Variants in TRIM44 observed in about 807,000 individuals in gnomAD.
TRIM44 encodes the protein tripartite motif-containing protein 44.
TRIM44 carries 13 observed loss-of-function variants against 37.4 expected under a neutral mutation model. That is an observed-to-expected ratio of 0.35 (90% CI 0.23 to 0.55). TRIM44 has a LOEUF of 0.55. TRIM44 is among the 20% of genes least tolerant of loss of function. The pLI is 0.89. For missense variants in TRIM44, 426 were observed against 437.2 expected, an observed-to-expected ratio of 0.97 and a Z score of 0.23; for synonymous variants, 175 against 157.2, an observed-to-expected ratio of 1.11 and a Z score of -0.85.
chr11:35,806,080 A>G (rs1853444007), intron 4 of TRIM44, among the ~76,000 whole-genome samples: 1 of 152,174 alleles, frequency 6.6e-6, no homozygotes, highest in Non-Finnish European at 1.5e-5. Flanking sequence ...CTGCTCACGT[A>G]CTGTATACCA....
At chr11:35,691,090 T>C (rs1851631901) in intron 2 of TRIM44, among the ~76,000 whole-genome samples, 1 of 152,184 alleles carries the variant, frequency 6.6e-6, no homozygotes, top group Non-Finnish European at 1.5e-5. Flanking sequence ...GACTGGAGAA[T>C]GGCCTTTTCC....
chr11:35,733,714 T>C lies in TRIM44; in HGVS notation c.988-1712T>C, dbSNP rs146221690. Among the ~76,000 whole-genome samples the C allele has an allele frequency of 3.8e-3, 585 of 152,272 alleles. 2 individuals carry two copies. Among genetic ancestry groups the C allele is most frequent in the African/African-American group, 0.014 (572 of 41,548 alleles). On this transcript the variant is annotated intron_variant, in intron 3 of 4. Coordinates refer to ENST00000299413, the MANE Select transcript of TRIM44 (RefSeq NM_017583.6). The stretch of plus-strand genomic sequence containing the variant: ...TGGCTGCAGCTGTACTTTACAGGCT[T>C]GCACCCTGGCAGTCTCCCTTTACCT...
chr11:35,690,233 C>G (rs1851624732), intron 2 of TRIM44, among the ~76,000 whole-genome samples: 4 of 152,018 alleles, frequency 2.6e-5, no homozygotes, highest in Admixed American at 2.0e-4. Context: ...TTAAATAAAC[C>G]CAAGAATGGT....
intron 1 of TRIM44, 62 bp from the exon 2 acceptor site, chr11:35,685,197 T>A: frequency 7.3e-7 from 1 of 1,364,694 alleles, no homozygotes; most frequent in Non-Finnish European, 1.0e-6. Context: ...TCCAAAATGC[T>A]GTTTGTGTTT....
In TRIM44 at chr11:35,745,944, A is replaced by C. The variant is rs547085317; in HGVS notation, c.1007+10499A>C. Among the ~76,000 whole-genome samples the C allele has an allele frequency of 1.4e-4, 22 of 152,334 alleles. No homozygotes were observed. The South Asian group carries it at 4.6e-3, about 32-fold the overall frequency. ...TTTTTCCTCATCAACATTATAAAAA[A>C]AAAAGTTGAATGAAAAGACTCTATT... On this transcript the variant is annotated intron_variant, in intron 4 of 4. Transcript: ENST00000299413.
intron 1 of TRIM44, among the ~76,000 whole-genome samples, chr11:35,680,665 A>T (rs534975744): frequency 2.6e-5 from 4 of 152,214 alleles, no homozygotes; most frequent in Non-Finnish European, 5.9e-5. Context: ...CACAGGTGCT[A>T]GTCTTCCTCA....
intron 4 of TRIM44, among the ~76,000 whole-genome samples, chr11:35,798,820 T>C (rs1853328184): frequency 1.3e-5 from 2 of 152,220 alleles, no homozygotes; most frequent in Admixed American, 6.5e-5. Flanking sequence ...CTGTCAAGTA[T>C]GAGCTGATTT....
chr11:35,756,334 G>T (rs1852638971), intron 4 of TRIM44, among the ~76,000 whole-genome samples: 1 of 152,144 alleles, frequency 6.6e-6, no homozygotes, highest in South Asian at 2.1e-4. Flanking sequence ...AAGAATGCTT[G>T]TGATTTTTGC....
In TRIM44 at chr11:35,718,229, C is replaced by T. The variant is rs146102469; in HGVS notation, c.748-7695C>T. On this transcript the variant is annotated intron_variant, in intron 2 of 4. Transcript: ENST00000299413. ...GGAAGGCAGAGAATGAAAATGTTGA[C>T]AAATCTGGGTATAAGGTTTAAGCAG... Among the ~76,000 whole-genome samples, 97 of 152,136 alleles carry T rather than the reference C, an allele frequency of 6.4e-4. 2 individuals are homozygous for T. In the East Asian group the frequency reaches 0.018, roughly 28 times the overall value.
At chr11:35,795,409 G>A (rs1379993634) in intron 4 of TRIM44, among the ~76,000 whole-genome samples, 1 of 151,972 alleles carries the variant, frequency 6.6e-6, no homozygotes, top group African/African-American at 2.4e-5. Flanking sequence ...GCAGGAGATG[G>A]TGGCAGCAGT....
At chr11:35,715,645 A>C (rs986227616) in intron 2 of TRIM44, among the ~76,000 whole-genome samples, 4 of 152,030 alleles carry the variant, frequency 2.6e-5, no homozygotes, top group African/African-American at 9.7e-5. Flanking sequence ...TCTGACTGAG[A>C]TAGGGGGTGT....
intron 1 of TRIM44, among the ~76,000 whole-genome samples, chr11:35,672,065 A>G (rs907039188): frequency 6.6e-6 from 1 of 152,142 alleles, no homozygotes; most frequent in Non-Finnish European, 1.5e-5. Flanking sequence ...AAATTCTTAC[A>G]TTGTCAAGGG....
chr11:35,704,558 ATC>A (rs1266486403), intron 2 of TRIM44, among the ~76,000 whole-genome samples: 1 of 152,250 alleles, frequency 6.6e-6, no homozygotes, highest in Non-Finnish European at 1.5e-5. Context: ...CTAACAGCGG[ATC>A]TCTCGGCAGA....
chr11:35,746,442 C>CCTG (rs1852491669), intron 4 of TRIM44, among the ~76,000 whole-genome samples: 1 of 87,210 alleles, frequency 1.1e-5, no homozygotes, highest in South Asian at 4.3e-4. Context: ...TTCCGGGGGT[C>CCTG]CTTCTTTTTT....
At chr11:35,746,330 T>C (rs912351503) in intron 4 of TRIM44, among the ~76,000 whole-genome samples, 2 of 152,198 alleles carry the variant, frequency 1.3e-5, no homozygotes, top group Admixed American at 1.3e-4. Flanking sequence ...GGTGATGGTG[T>C]CTTTTTCATT....
At chr11:35,680,690 G>C (rs1851512355) in intron 1 of TRIM44, among the ~76,000 whole-genome samples, 1 of 152,184 alleles carries the variant, frequency 6.6e-6, no homozygotes, top group Non-Finnish European at 1.5e-5. Flanking sequence ...GAAAGGAGAA[G>C]TGGATTGGTA....
intron 2 of TRIM44, among the ~76,000 whole-genome samples, chr11:35,696,713 G>T (rs1851703882): frequency 6.6e-6 from 1 of 151,754 alleles, no homozygotes; most frequent in Admixed American, 6.6e-5. Flanking sequence ...TGGGCATCAT[G>T]GTGCATGCCT....
intron 2 of TRIM44, among the ~76,000 whole-genome samples, chr11:35,715,832 C>T (rs4755423): frequency 0.014 from 2,099 of 152,112 alleles, 116 homozygotes; most frequent in East Asian, 0.14. Context: ...GCATGTCATA[C>T]GTGGCTGGAG....
intron 4 of TRIM44, among the ~76,000 whole-genome samples, chr11:35,772,402 A>T (rs1255889630): frequency 1.3e-5 from 2 of 152,212 alleles, no homozygotes; most frequent in African/African-American, 4.8e-5. Flanking sequence ...GATCACCGAC[A>T]GCTTGCACCA....
Sources: gnomAD v4.1 joint callset for allele counts (sites outside exome capture counted in the v4.1 genomes callset) on GRCh38, gnomAD v4.1.1 for gene constraint, MANE v1.5 for transcripts, NCBI Gene and HGNC (gene_info 2026-07-23, HGNC 2026-07-21) for gene names.